TNPO3: variants seen among roughly 807,000 people sequenced by gnomAD.
The protein encoded by TNPO3 is transportin-3.
In TNPO3, 65 loss-of-function variants were observed where a neutral mutation model predicts 122.8. The observed-to-expected ratio is 0.53, with a 90% CI of 0.43 to 0.65. The LOEUF (loss-of-function observed/expected upper bound fraction) is 0.65, where lower values mean the gene tolerates loss of function less well. Among genes scored for constraint, TNPO3 ranks in the 30% least tolerant of loss-of-function variants. The pLI is 0.00. For synonymous variants in TNPO3, 372 were observed against 411.2 expected, an observed-to-expected ratio of 0.90 and a Z score of 1.15; for missense variants, 850 against 1,136.7, an observed-to-expected ratio of 0.75 and a Z score of 3.63.
chr7:128,977,622 A>C (rs1300741294), intron 16 of TNPO3, among the ~76,000 whole-genome samples: 9 of 132,494 alleles, frequency 6.8e-5, no homozygotes, highest in Non-Finnish European at 1.4e-4. Context: ...TTTGAGATGG[A>C]GTTTCACTCT....
chr7:128,958,783 G>A (rs1338269601), intron 21 of TNPO3, among the ~76,000 whole-genome samples: 1 of 152,132 alleles, frequency 6.6e-6, no homozygotes, highest in African/African-American at 2.4e-5. Flanking sequence ...AATAAGGCAG[G>A]TGGCCAGGCA....
chr7:128,979,174 C>A, intron 15 of TNPO3, 51 bp from the exon 16 acceptor site: 1 of 1,604,170 alleles, frequency 6.2e-7, no homozygotes, highest in Non-Finnish European at 8.5e-7. Context: ...ACAACTAGGA[C>A]CTGAAAAACT....
chr7:129,037,064 A>G (rs1806772729), intron 1 of TNPO3, among the ~76,000 whole-genome samples: 1 of 152,228 alleles, frequency 6.6e-6, no homozygotes, highest in Non-Finnish European at 1.5e-5. Flanking sequence ...GAAAACAGAA[A>G]TCAGGAATGA....
chr7:128,989,237 G>A (rs1023935306), intron 11 of TNPO3, among the ~76,000 whole-genome samples: 41 of 152,230 alleles, frequency 2.7e-4, no homozygotes, highest in Non-Finnish European at 3.7e-4. Context: ...GTAAAAAGGC[G>A]ATAATAAAGA....
At chr7:129,039,791 C>T (rs1035430222) in intron 1 of TNPO3, among the ~76,000 whole-genome samples, 3 of 152,128 alleles carry the variant, frequency 2.0e-5, no homozygotes, top group African/African-American at 7.2e-5. Context: ...ACCTTGAAAA[C>T]ATCATACTAA....
chr7:129,055,868 C>T (rs137918118), upstream of TNPO3: 6 of 593,466 alleles, frequency 1.0e-5, no homozygotes, highest in African/African-American at 1.1e-4. Flanking sequence ...GTCCTTTGCA[C>T]TAGTAAATAA....
At chr7:128,989,809 G>A in intron 11 of TNPO3, 152 bp downstream of exon 11, 1 of 779,066 alleles carries the variant, frequency 1.3e-6, no homozygotes, top group East Asian at 2.7e-5. Context: ...TATCAAATAA[G>A]CACTAACTTA....
chr7:128,988,203 T>C (rs1800373557), intron 11 of TNPO3, among the ~76,000 whole-genome samples: 1 of 151,908 alleles, frequency 6.6e-6, no homozygotes, highest in Non-Finnish European at 1.5e-5. Context: ...CTCGAACTCT[T>C]GAACTCAGAT....
At chr7:129,001,752 T>C (rs1438810280) in intron 5 of TNPO3, among the ~76,000 whole-genome samples, 6 of 152,208 alleles carry the variant, frequency 3.9e-5, no homozygotes, top group Admixed American at 3.9e-4. Context: ...TATTTCTATT[T>C]CCTTATATGT....
chr7:128,998,727 T>C (rs954869134), intron 7 of TNPO3, among the ~76,000 whole-genome samples: 6 of 152,158 alleles, frequency 3.9e-5, no homozygotes, highest in South Asian at 4.1e-4. Context: ...TCTTGCTTTG[T>C]TGCCCAGGCT....
chr7:129,003,039 CAAAAAAAAAAAA>C (rs56226072), intron 5 of TNPO3, among the ~76,000 whole-genome samples: 4 of 53,272 alleles, frequency 7.5e-5, no homozygotes, highest in African/African-American at 1.1e-4. Context: ...GACTCCCTCT[CAAAAAAAAAAAA>C]AAAAAAAAAA....
chr7:128,974,605 TG>T (rs1303895987), intron 18 of TNPO3, among the ~76,000 whole-genome samples: 2 of 152,072 alleles, frequency 1.3e-5, no homozygotes, highest in Non-Finnish European at 2.9e-5. Context: ...TCTAGTCAAG[TG>T]TTTTGCCAGG....
intron 16 of TNPO3, among the ~76,000 whole-genome samples, chr7:128,977,125 C>T (rs915238219): frequency 2.0e-4 from 31 of 152,106 alleles, no homozygotes; most frequent in African/African-American, 6.5e-4. Context: ...CAATTGCTGG[C>T]TCCTGAGTTA....
At chr7:129,019,740 T>A (rs1370560098) in intron 1 of TNPO3, among the ~76,000 whole-genome samples, 1 of 152,096 alleles carries the variant, frequency 6.6e-6, no homozygotes, top group East Asian at 1.9e-4. Context: ...ACACCTGTAA[T>A]CTCAGCACTT....
chr7:129,054,742 A>C lies in TNPO3; in HGVS notation c.29T>G (p.Leu10Arg). MEGAKPTLQLVYQAVQALYH... is the reference protein window; with the variant it reads MEGAKPTLQRVYQAVQALYH... ...AAGCGCCTGCACTGCCTGGTACACG[A>C]GCTGCAATGTCGGCTTTGCTCCTTC... Residue 10 changes from leucine to arginine, a missense_variant, in exon 1 of 23, where the codon CTC (leucine) becomes CGC (arginine). Coordinates refer to ENST00000265388, the MANE Select transcript of TNPO3 (RefSeq NM_012470.4). 6.2e-7 allele frequency: 1 copy of C among 1,614,148 alleles called. No homozygotes were observed. The highest frequency in any genetic ancestry group is 8.5e-7 in the Non-Finnish European group (1 of 1,180,014).
chr7:128,956,697 C>T (rs925051181), intron 22 of TNPO3, among the ~76,000 whole-genome samples: 1 of 152,170 alleles, frequency 6.6e-6, no homozygotes, highest in Non-Finnish European at 1.5e-5. Flanking sequence ...CCTCCGAAAT[C>T]CCAAGCATTT....
At chr7:129,021,024 A>G (rs1804433582) in intron 1 of TNPO3, among the ~76,000 whole-genome samples, 1 of 152,256 alleles carries the variant, frequency 6.6e-6, no homozygotes, top group South Asian at 2.1e-4. Flanking sequence ...GATTCACTGG[A>G]AAGTACAAGG....
At chr7:129,012,788 C>T (rs894251408) in intron 4 of TNPO3, among the ~76,000 whole-genome samples, 3 of 152,034 alleles carry the variant, frequency 2.0e-5, no homozygotes, top group Admixed American at 6.5e-5. Context: ...CCAGATAAAC[C>T]GTCTACACTT....
At chr7:129,007,108 C>T (rs1203086154) in intron 4 of TNPO3, among the ~76,000 whole-genome samples, 1 of 152,152 alleles carries the variant, frequency 6.6e-6, no homozygotes, top group African/African-American at 2.4e-5. Flanking sequence ...GTGCACCAGG[C>T]ACTGTTTTAA....
Sources: gnomAD v4.1 joint callset for allele counts (sites outside exome capture counted in the v4.1 genomes callset) on GRCh38, gnomAD v4.1.1 for gene constraint, MANE v1.5 for transcripts, NCBI Gene and HGNC (gene_info 2026-07-23, HGNC 2026-07-21) for gene names.